RBFOX1: variants seen among roughly 807,000 people sequenced by gnomAD.
The protein encoded by RBFOX1 is RNA binding fox-1 homolog 1, also known as RNA binding protein fox-1 homolog 1.
RBFOX1 carries 8 observed loss-of-function variants against 57.7 expected under a neutral mutation model. The observed-to-expected ratio is 0.14, with a 90% CI of 0.08 to 0.25. RBFOX1 has a LOEUF of 0.25. RBFOX1 is among the 10% of genes least tolerant of loss of function. The pLI is 1.00. For synonymous variants in RBFOX1, 326 were observed against 222.4 expected, an observed-to-expected ratio of 1.47 and a Z score of -4.15; for missense variants, 611 against 548.5, an observed-to-expected ratio of 1.11 and a Z score of -1.14.
chr16:5,841,718 G>A (rs887515544), intron 3 of RBFOX1, among the ~76,000 whole-genome samples: 1 of 152,188 alleles, frequency 6.6e-6, no homozygotes, highest in African/African-American at 2.4e-5. Context: ...TCCATGGCCT[G>A]TAGAGGCCCA....
intron 4 of RBFOX1, among the ~76,000 whole-genome samples, chr16:7,294,145 G>A (rs1017839342): frequency 6.6e-6 from 1 of 152,064 alleles, no homozygotes; most frequent in Non-Finnish European, 1.5e-5. Flanking sequence ...AGAGTGGGTG[G>A]GGTGGAGGGT....
Position 6,019,577 on chromosome 16 carries a change from C to G in RBFOX1, c.-542C>G. 2 of 1,172,442 alleles carry G rather than the reference C, an allele frequency of 1.7e-6. No individual in the cohort carries two copies. The highest frequency in any genetic ancestry group is 2.1e-6 in the Non-Finnish European group (2 of 949,758). 72.6% of individuals were successfully genotyped at this position (1,172,442 alleles called of 1,614,324 possible). On this transcript the variant is annotated 5_prime_UTR_variant, in exon 1 of 16. Transcript: ENST00000550418. The surrounding 1 kb of genome is among the most constrained non-coding windows in gnomAD (Gnocchi z 4.2). The stretch of plus-strand genomic sequence containing the variant: ...CGGCGGCACTGGCTGGACCCACGCG[C>G]GCGCCTCCGGGGCTGAAGAAGGAAG...
chr16:5,711,293 G>A (rs189047354), intron 3 of RBFOX1, among the ~76,000 whole-genome samples: 1 of 152,322 alleles, frequency 6.6e-6, no homozygotes, highest in Admixed American at 6.5e-5. Context: ...ACATTGCTCA[G>A]ATAAGAAAAT....
At chr16:7,108,358 C>G (rs974351475) in intron 4 of RBFOX1, among the ~76,000 whole-genome samples, 1 of 152,130 alleles carries the variant, frequency 6.6e-6, no homozygotes, top group African/African-American at 2.4e-5. Flanking sequence ...CCTTTGTTTG[C>G]TTCCTGAATA....
At position 6,843,697 on chromosome 16, in the gene RBFOX1, T is replaced by A. The variant is rs573421608; in HGVS notation, c.-16+189047T>A. The stretch of plus-strand genomic sequence containing the variant: ...GAGCGAGACTCCATCTCAAAATAAA[T>A]AAGTAAAATTATAAAAAAGCTTTAC... On this transcript the variant is annotated intron_variant, in intron 3 of 15. Coordinates refer to ENST00000550418, the MANE Select transcript of RBFOX1 (RefSeq NM_018723.4). Among the ~76,000 whole-genome samples the A allele has an allele frequency of 2.0e-5, 3 of 152,178 alleles. No homozygotes were observed. In the East Asian group the frequency reaches 5.8e-4, roughly 29 times the overall value.
intron 2 of RBFOX1, among the ~76,000 whole-genome samples, chr16:5,507,791 G>A (rs1483816369): frequency 3.9e-5 from 6 of 152,292 alleles, no homozygotes; most frequent in East Asian, 3.9e-4. Flanking sequence ...GCAGCCACAA[G>A]CCAATGAACC....
At chr16:6,035,414 A>G (rs1470377481) in intron 1 of RBFOX1, among the ~76,000 whole-genome samples, 2 of 152,196 alleles carry the variant, frequency 1.3e-5, no homozygotes, top group Non-Finnish European at 2.9e-5. Context: ...TACTCAAACC[A>G]TTTCATCCTC....
At chr16:6,294,902 A>G (rs1467360121) in intron 1 of RBFOX1, among the ~76,000 whole-genome samples, 3 of 152,134 alleles carry the variant, frequency 2.0e-5, no homozygotes, top group African/African-American at 7.2e-5. Flanking sequence ...AGCTGATAAA[A>G]AAAGATACAT....
At chr16:5,301,890 T>G (rs1347115778) in intron 1 of RBFOX1, among the ~76,000 whole-genome samples, 1 of 152,170 alleles carries the variant, frequency 6.6e-6, no homozygotes, top group Non-Finnish European at 1.5e-5. Flanking sequence ...TTATTCATTA[T>G]TTTAAGAAAC....
At chr16:6,635,438 C>G (rs1305669513) in intron 2 of RBFOX1, among the ~76,000 whole-genome samples, 1 of 151,928 alleles carries the variant, frequency 6.6e-6, no homozygotes, top group Non-Finnish European at 1.5e-5. Flanking sequence ...AAGGAACAGT[C>G]AAATCTGGAT....
At chr16:6,292,719 C>G (rs2077598157) in intron 1 of RBFOX1, among the ~76,000 whole-genome samples, 2 of 152,176 alleles carry the variant, frequency 1.3e-5, no homozygotes, top group South Asian at 4.1e-4. Context: ...ATTGAACTAT[C>G]TATTGCTGGT....
intron 3 of RBFOX1, among the ~76,000 whole-genome samples, chr16:6,966,478 A>T (rs1482199369): frequency 6.6e-6 from 1 of 152,156 alleles, no homozygotes; most frequent in Non-Finnish European, 1.5e-5. Flanking sequence ...TCCACGGAGC[A>T]TGATCACAGT....
intron 2 of RBFOX1, among the ~76,000 whole-genome samples, chr16:6,486,051 T>A (rs2095474208): frequency 6.8e-6 from 1 of 147,704 alleles, no homozygotes; most frequent in Non-Finnish European, 1.5e-5. Context: ...AGGAGTATGA[T>A]ACAAAAGTTG....
At chr16:7,534,077 G>GT (rs1368213825) in intron 5 of RBFOX1, among the ~76,000 whole-genome samples, 42 of 114,314 alleles carry the variant, frequency 3.7e-4, no homozygotes, top group African/African-American at 1.0e-3. Context: ...AGGTCCCAAC[G>GT]TTTTTTTTCT....
chr16:5,798,339 C>G (rs867511186), intron 3 of RBFOX1, among the ~76,000 whole-genome samples: 5 of 152,174 alleles, frequency 3.3e-5, no homozygotes, highest in Non-Finnish European at 7.4e-5. Context: ...GTCGATTTCT[C>G]CCTATTGTGT....
At chr16:6,411,028 A>G (rs1567215199) in intron 2 of RBFOX1, among the ~76,000 whole-genome samples, 1 of 152,240 alleles carries the variant, frequency 6.6e-6, no homozygotes. Flanking sequence ...TAGACAGAAG[A>G]GGAAACCATG....
chr16:7,437,966 C>T (rs1160100045), intron 4 of RBFOX1, among the ~76,000 whole-genome samples: 1 of 151,312 alleles, frequency 6.6e-6, no homozygotes, highest in Non-Finnish European at 1.5e-5. Context: ...TGTGCTAGGT[C>T]TTTGAAGCTT....
chr16:6,921,249 G>C (rs1297054218), intron 3 of RBFOX1, among the ~76,000 whole-genome samples: 1 of 152,164 alleles, frequency 6.6e-6, no homozygotes, highest in East Asian at 1.9e-4. Context: ...GCACACATTT[G>C]TTTTCTCACA....
At chr16:5,405,593 A>C (rs2066843189) in intron 1 of RBFOX1, among the ~76,000 whole-genome samples, 1 of 152,216 alleles carries the variant, frequency 6.6e-6, no homozygotes, top group South Asian at 2.1e-4. Flanking sequence ...AGAATACTCC[A>C]TCATAGATGC....
Sources: allele counts gnomAD v4.1 joint callset (sites outside exome capture counted in the v4.1 genomes callset), GRCh38; gene constraint gnomAD v4.1.1; non-coding constraint Gnocchi (gnomAD v3.1); transcripts MANE v1.5; gene names NCBI Gene and HGNC (gene_info 2026-07-23, HGNC 2026-07-21).